The following KCNJ6 variants were observed in gnomAD, a reference collection of about 807,000 sequenced individuals.
The protein encoded by KCNJ6 is G protein-activated inward rectifier potassium channel 2.
KCNJ6 carries 9 observed loss-of-function variants against 34.2 expected under a neutral mutation model. The observed-to-expected ratio is 0.26, with a 90% CI of 0.16 to 0.46. The LOEUF (loss-of-function observed/expected upper bound fraction) is 0.46, where lower values mean the gene tolerates loss of function less well. Among genes scored for constraint, KCNJ6 ranks in the 20% least tolerant of loss-of-function variants. KCNJ6 has a pLI of 1.00. For synonymous variants in KCNJ6, 196 were observed against 207.1 expected (o/e 0.95, Z 0.46); for missense variants, 236 against 531.3 (o/e 0.44, Z 5.46).
At chr21:37,857,803 A>C (rs913945344) in intron 1 of KCNJ6, among the ~76,000 whole-genome samples, 3 of 152,208 alleles carry the variant, frequency 2.0e-5, no homozygotes, top group Non-Finnish European at 2.9e-5. Flanking sequence ...TGACCTAGAA[A>C]AGTAAGGTGA....
chr21:37,913,472 C>G (rs940396870), intron 1 of KCNJ6, among the ~76,000 whole-genome samples: 1 of 152,168 alleles, frequency 6.6e-6, no homozygotes, highest in African/African-American at 2.4e-5. Flanking sequence ...CCTTCCAGTT[C>G]TAGACCGAGA....
chr21:37,763,595 T>G (rs2055076782), intron 2 of KCNJ6, among the ~76,000 whole-genome samples: 1 of 152,214 alleles, frequency 6.6e-6, no homozygotes, highest in East Asian at 1.9e-4. Flanking sequence ...TGCCTCACCC[T>G]GTGCTTCTGG....
rs2054249700 is a variant in KCNJ6, at chr21:37,613,366, A to G, written c.*11793T>C. On this transcript the variant is annotated 3_prime_UTR_variant, in exon 4 of 4. Coordinates refer to ENST00000609713, the MANE Select transcript of KCNJ6 (RefSeq NM_002240.5). ...ATGCAAAACAGTACAGCCACTTTGG[A>G]AGGCAGTTTGGCTGTGTCTTGCAAG... The G allele has an allele frequency of 6.6e-6, 1 of 152,298 alleles. No individual in the cohort carries two copies. The highest frequency in any genetic ancestry group is 6.5e-5 in the Admixed American group (1 of 15,280). 9.4% of individuals were successfully genotyped at this position (152,298 alleles called of 1,614,324 possible). A position where few individuals can be genotyped will look rare whatever the true frequency, so the allele number is the denominator to read the frequency against.
chr21:37,732,856 G>A (rs2054892793), intron 2 of KCNJ6, among the ~76,000 whole-genome samples: 1 of 152,178 alleles, frequency 6.6e-6, no homozygotes, highest in Non-Finnish European at 1.5e-5. Flanking sequence ...ACCCAGAGCA[G>A]TGACCACATA....
At chr21:37,894,286 A>C (rs1430013661) in intron 1 of KCNJ6, among the ~76,000 whole-genome samples, 2 of 152,190 alleles carry the variant, frequency 1.3e-5, no homozygotes, top group African/African-American at 2.4e-5. Flanking sequence ...CCCCCGATCT[A>C]CTGAACCAGG....
intron 2 of KCNJ6, among the ~76,000 whole-genome samples, chr21:37,763,088 T>C (rs895671858): frequency 6.6e-6 from 1 of 152,064 alleles, no homozygotes. Context: ...ACCCACTGAT[T>C]TGGGCATCTG....
chr21:37,854,671 T>C (rs1353804788), intron 1 of KCNJ6, among the ~76,000 whole-genome samples: 2 of 152,346 alleles, frequency 1.3e-5, no homozygotes, highest in East Asian at 1.9e-4. Flanking sequence ...GAATAATATA[T>C]GTTTGAGGTG....
intron 2 of KCNJ6, among the ~76,000 whole-genome samples, chr21:37,751,198 G>C (rs541640004): frequency 4.5e-4 from 68 of 152,342 alleles, no homozygotes; most frequent in African/African-American, 1.6e-3. Flanking sequence ...AGAGAGAAAT[G>C]CAGTAGCCTT....
intron 2 of KCNJ6, among the ~76,000 whole-genome samples, chr21:37,776,767 T>A (rs2055144584): frequency 6.6e-6 from 1 of 152,206 alleles, no homozygotes; most frequent in Admixed American, 6.5e-5. Context: ...TTATTGAGGA[T>A]TTTTGTATCG....
intron 3 of KCNJ6, among the ~76,000 whole-genome samples, chr21:37,627,439 G>T (rs2054316192): frequency 6.6e-6 from 1 of 152,176 alleles, no homozygotes; most frequent in African/African-American, 2.4e-5. Context: ...ATCTGTGCTT[G>T]AGGGTGGGGT....
intron 2 of KCNJ6, among the ~76,000 whole-genome samples, chr21:37,724,321 A>T (rs79296872): frequency 2.4e-5 from 3 of 122,678 alleles, no homozygotes; most frequent in East Asian, 2.2e-4. Context: ...GTTGCATATT[A>T]AAAAAAAAAA....
intron 3 of KCNJ6, among the ~76,000 whole-genome samples, chr21:37,684,634 T>C (rs1048727226): frequency 3.2e-4 from 48 of 152,218 alleles, no homozygotes; most frequent in Admixed American, 3.1e-3. Context: ...ATTGTTTTCT[T>C]TTGCTAAAGT....
intron 2 of KCNJ6, among the ~76,000 whole-genome samples, chr21:37,833,824 A>C (rs556306996): frequency 1.3e-5 from 2 of 152,312 alleles, no homozygotes; most frequent in East Asian, 3.9e-4. Context: ...GACCAAAAAT[A>C]ACTCCAAACA....
intron 3 of KCNJ6, among the ~76,000 whole-genome samples, chr21:37,640,319 G>T (rs1431899980): frequency 1.3e-5 from 2 of 152,176 alleles, no homozygotes; most frequent in Admixed American, 1.3e-4. Context: ...AATGGCTGTG[G>T]GACCTAGGAC....
At chr21:37,667,629 G>A (rs774997797) in intron 3 of KCNJ6, among the ~76,000 whole-genome samples, 1 of 79,796 alleles carries the variant, frequency 1.3e-5, no homozygotes, top group Non-Finnish European at 3.4e-5. Flanking sequence ...AGCAGGCACC[G>A]GGGTAGCAGG....
intron 1 of KCNJ6, among the ~76,000 whole-genome samples, chr21:37,909,370 T>TC (rs1225960334): frequency 1.6e-5 from 2 of 124,512 alleles, no homozygotes; most frequent in Admixed American, 8.0e-5. Flanking sequence ...CACAAAGAAC[T>TC]TTTTTTTTTT....
At chr21:37,636,589 G>A (rs2054359068) in intron 3 of KCNJ6, among the ~76,000 whole-genome samples, 3 of 152,288 alleles carry the variant, frequency 2.0e-5, no homozygotes, top group African/African-American at 7.2e-5. Flanking sequence ...GGAGAGCTTG[G>A]AGGGGAAGGG....
At chr21:37,630,356 A>G (rs1285044737) in intron 3 of KCNJ6, among the ~76,000 whole-genome samples, 1 of 152,108 alleles carries the variant, frequency 6.6e-6, no homozygotes, top group African/African-American at 2.4e-5. Flanking sequence ...TTGAGGATCT[A>G]TTTGTCTTGT....
At chr21:37,871,490 G>A (rs115084905) in intron 1 of KCNJ6, among the ~76,000 whole-genome samples, 2,041 of 152,360 alleles carry the variant, frequency 0.013, 52 homozygotes, top group African/African-American at 0.046. Flanking sequence ...AGGGCCCGAT[G>A]AGGGCAGAGG....
Sources: allele counts gnomAD v4.1 joint callset (sites outside exome capture counted in the v4.1 genomes callset), GRCh38; gene constraint gnomAD v4.1.1; transcripts MANE v1.5; gene names NCBI Gene and HGNC (gene_info 2026-07-23, HGNC 2026-07-21).